Variants in ETS1 observed in about 807,000 individuals in gnomAD.
ETS1 encodes ETS proto-oncogene 1, transcription factor.
In ETS1, 15 loss-of-function variants were observed where a neutral mutation model predicts 58.6. The observed-to-expected ratio is 0.26, with a 90% CI of 0.17 to 0.39. The LOEUF (loss-of-function observed/expected upper bound fraction) is 0.39. ETS1 is among the 10% of genes least tolerant of loss of function. The pLI is 1.00. For synonymous variants in ETS1, 214 were observed against 218.2 expected (o/e 0.98, Z 0.17); for missense variants, 417 against 610.5 (o/e 0.68, Z 3.34).
chr11:128,467,371 C>T (rs1862067544), intron 8 of ETS1, among the ~76,000 whole-genome samples: 1 of 152,212 alleles, frequency 6.6e-6, no homozygotes, highest in South Asian at 2.1e-4. Flanking sequence ...TTCTCACACC[C>T]AAGATTGGTG....
intron 3 of ETS1, among the ~76,000 whole-genome samples, chr11:128,495,040 G>T (rs955291087): frequency 2.0e-5 from 3 of 152,156 alleles, no homozygotes; most frequent in African/African-American, 7.2e-5. Context: ...TTTACAGTTT[G>T]CCAAGACTCT....
chr11:128,504,375 C>T (rs142430795), intron 3 of ETS1, among the ~76,000 whole-genome samples: 81 of 152,274 alleles, frequency 5.3e-4, no homozygotes, highest in Middle Eastern at 3.4e-3. Flanking sequence ...ATGCATAAAG[C>T]CTTATCCAGG....
intron 2 of ETS1, among the ~76,000 whole-genome samples, chr11:128,564,069 G>GT (rs3832740): frequency 3.5e-4 from 1 of 2,818 alleles, no homozygotes; most frequent in Non-Finnish European, 7.2e-4. Context: ...TTTGGTCAGA[G>GT]GTATTTGGCC....
At chr11:128,487,395 C>T (rs1565376566) in intron 5 of ETS1, among the ~76,000 whole-genome samples, 1 of 152,148 alleles carries the variant, frequency 6.6e-6, no homozygotes, top group Non-Finnish European at 1.5e-5. Flanking sequence ...CCTGTGAATC[C>T]ACATTATTAT....
chr11:128,464,241 A>G lies in ETS1; in HGVS notation c.1124-614T>C, dbSNP rs979327076. Among the ~76,000 whole-genome samples, 2 of 151,556 alleles carry G rather than the reference A, an allele frequency of 1.3e-5. No individual in the cohort carries two copies. Among genetic ancestry groups the G allele is most frequent in the African/African-American group, 4.9e-5 (2 of 41,222 alleles). On this transcript the variant is annotated intron_variant, in intron 8 of 9. Transcript: ENST00000392668. This position sits in a 1 kb window ranked among gnomAD's most constrained non-coding sequence, Gnocchi z 4.1. Reference sequence around the variant, plus strand: ...ACTTACAGGAAAGCACCCAAAGGAAAAAAAAAAAAAAGCATCATTACTATT... The same window carrying G: ...ACTTACAGGAAAGCACCCAAAGGAAGAAAAAAAAAAAGCATCATTACTATT...
intron 3 of ETS1, among the ~76,000 whole-genome samples, chr11:128,535,220 TGTC>T (rs1238749614): frequency 6.6e-6 from 1 of 152,260 alleles, no homozygotes; most frequent in Non-Finnish European, 1.5e-5. Context: ...GACACATAAA[TGTC>T]TTCTTTTGAG....
intron 3 of ETS1, 35 bp downstream of exon 3, chr11:128,556,256 C>T (rs377475802): frequency 1.3e-6 from 2 of 1,578,138 alleles, no homozygotes; most frequent in Non-Finnish European, 8.6e-7. Context: ...TCCTTCAACT[C>T]TATCCTCATT....
At chr11:128,498,079 T>C (rs1862990859) in intron 3 of ETS1, among the ~76,000 whole-genome samples, 1 of 152,156 alleles carries the variant, frequency 6.6e-6, no homozygotes, top group Non-Finnish European at 1.5e-5. Context: ...ATAAACCAGG[T>C]CTCAAAGCCC....
intron 3 of ETS1, among the ~76,000 whole-genome samples, chr11:128,514,036 C>T (rs1003053856): frequency 2.0e-5 from 3 of 152,146 alleles, no homozygotes; most frequent in African/African-American, 4.8e-5. Context: ...ACACCTGGCA[C>T]ATAGTGGGAG....
At position 128,480,582 on chromosome 11, in the gene ETS1, G is replaced by A. The variant is rs1862457920; in HGVS notation, c.863-131C>T. 4.5e-6 allele frequency: 3 copies of A among 660,758 alleles called. No individual in the cohort carries two copies. The Admixed American group carries it at 8.2e-5, about 18-fold the overall frequency. 40.9% of individuals were successfully genotyped at this position (660,758 alleles called of 1,614,324 possible). On this transcript the variant is annotated intron_variant, in intron 7 of 9. Transcript: ENST00000392668. The stretch of plus-strand genomic sequence containing the variant: ...GCAGGAAGGACGGAAGAAGGGAGAG[G>A]CGAGTGGGAACAGAAGCTTCAGGGG...
At chr11:128,548,810 C>G (rs568084188) in intron 3 of ETS1, among the ~76,000 whole-genome samples, 39 of 152,344 alleles carry the variant, frequency 2.6e-4, no homozygotes, top group African/African-American at 7.9e-4. Context: ...CGGGGTTAAC[C>G]CTCCCGCCCT....
chr11:128,501,748 C>T (rs908119821), intron 3 of ETS1, among the ~76,000 whole-genome samples: 3 of 152,222 alleles, frequency 2.0e-5, no homozygotes, highest in Admixed American at 6.5e-5. Context: ...GTTACAAATC[C>T]TCCTGACTTT....
At chr11:128,546,958 G>C (rs956677666) in intron 3 of ETS1, among the ~76,000 whole-genome samples, 5 of 152,136 alleles carry the variant, frequency 3.3e-5, no homozygotes, top group African/African-American at 9.7e-5. Flanking sequence ...GGAGGTCCCA[G>C]GTCCACAGTT....
intron 7 of ETS1, among the ~76,000 whole-genome samples, chr11:128,484,454 A>C (rs1488191563): frequency 1.3e-5 from 2 of 152,338 alleles, no homozygotes; most frequent in East Asian, 3.9e-4. Flanking sequence ...AGGGTTTTCC[A>C]GGGTGGCCAC....
intron 8 of ETS1, among the ~76,000 whole-genome samples, chr11:128,479,813 T>C (rs1862432226): frequency 6.6e-6 from 1 of 151,832 alleles, no homozygotes; most frequent in South Asian, 2.1e-4. Flanking sequence ...GCTGCTGATT[T>C]TGTATTTAGA....
intron 2 of ETS1, among the ~76,000 whole-genome samples, chr11:128,558,279 G>T (rs1392580230): frequency 1.3e-5 from 2 of 152,196 alleles, no homozygotes; most frequent in Non-Finnish European, 2.9e-5. Context: ...TGGCAGATTT[G>T]CCACCTATAT....
intron 3 of ETS1, among the ~76,000 whole-genome samples, chr11:128,521,523 G>A (rs543545922): frequency 7.2e-4 from 109 of 152,280 alleles, no homozygotes; most frequent in South Asian, 2.1e-4. Context: ...TATGGGGGAC[G>A]TGGAGTCAGG....
Position 128,461,239 on chromosome 11 carries a change from G to T in ETS1, c.*1122C>A, listed in dbSNP as rs918805243. ...TTAGTTTGGAACGACATGCATTCAG[G>T]ACTTATTTCTTAGGACCTGAGGGGT... is the stretch of plus-strand genomic sequence containing the variant. On this transcript the variant is annotated 3_prime_UTR_variant, in exon 10 of 10. Transcript: ENST00000392668. The T allele has an allele frequency of 6.5e-6, 1 of 152,712 alleles. No homozygotes were observed. The highest frequency in any genetic ancestry group is 6.5e-5 in the Admixed American group (1 of 15,278). The allele number at this position is 152,712 out of a possible 1,614,324, so 9.5% of individuals were successfully genotyped here.
chr11:128,551,269 A>G (rs1403950413), intron 3 of ETS1, among the ~76,000 whole-genome samples: 1 of 152,168 alleles, frequency 6.6e-6, no homozygotes, highest in Non-Finnish European at 1.5e-5. Flanking sequence ...TCAACACTTA[A>G]AAGCCAAATT....
Sources: gnomAD v4.1 joint callset for allele counts (sites outside exome capture counted in the v4.1 genomes callset) on GRCh38, gnomAD v4.1.1 for gene constraint, Gnocchi (gnomAD v3.1) non-coding constraint, MANE v1.5 for transcripts, NCBI Gene and HGNC (gene_info 2026-07-23, HGNC 2026-07-21) for gene names.